BDNF: variants seen among roughly 807,000 people sequenced by gnomAD.
BDNF encodes the protein neurotrophic factor BDNF precursor form.
BDNF carries 1 observed loss-of-function variant against 19.5 expected under a neutral mutation model. The ratio of observed to expected loss-of-function variants is 0.05; its 90% CI spans 0.02 to 0.24. The LOEUF is 0.24. BDNF is among the 10% of genes least tolerant of loss of function. The pLI, the probability that BDNF is intolerant of heterozygous loss-of-function variation, is 1.00. For synonymous variants in BDNF, 100 were observed against 121.6 expected (o/e 0.82, Z 1.17); for missense variants, 195 against 317.6 (o/e 0.61, Z 2.93).
In BDNF at chr11:27,658,579, G is replaced by T; in HGVS notation, c.-15C>A. ...AGGATGGTCATCACTCTTCTCACCT[G>T]GTGGAACTGTAGGGAGAAAGCAGAA... On this transcript the variant is annotated 5_prime_UTR_variant, in exon 2 of 2. Coordinates refer to ENST00000356660, the MANE Select transcript of BDNF (RefSeq NM_001709.5). This position sits in a 1 kb window ranked among gnomAD's most constrained non-coding sequence, Gnocchi z 5.7. The T allele has an allele frequency of 1.9e-6, 3 of 1,614,198 alleles. No individual in the cohort carries two copies. The highest frequency in any genetic ancestry group is 2.5e-6 in the Non-Finnish European group (3 of 1,180,022).
At chr11:27,715,679 C>A (rs1323267287) in intron 1 of BDNF, among the ~76,000 whole-genome samples, 1 of 152,166 alleles carries the variant, frequency 6.6e-6, no homozygotes, top group Non-Finnish European at 1.5e-5. Context: ...TTTAAGGCAG[C>A]ATGGTCTAGA....
At chr11:27,662,264 C>G (rs1487313150) in intron 1 of BDNF, among the ~76,000 whole-genome samples, 3 of 152,172 alleles carry the variant, frequency 2.0e-5, no homozygotes, top group African/African-American at 7.2e-5. Flanking sequence ...TCTAGTCAGT[C>G]TTCAGCTGAA....
upstream of BDNF, chr11:27,700,924 C>G: frequency 7.5e-7 from 1 of 1,338,058 alleles, no homozygotes; most frequent in Non-Finnish European, 9.9e-7. Context: ...ATCCCAGCAC[C>G]CAAGTTCTCT....
chr11:27,674,439 A>C, intron 1 of BDNF: 1 of 1,437,986 alleles, frequency 7.0e-7, no homozygotes, highest in Non-Finnish European at 9.1e-7. Flanking sequence ...CCCAGCTCCC[A>C]GCTCTTCTGA....
chr11:27,692,211 G>A (rs1858388316), intron 1 of BDNF, among the ~76,000 whole-genome samples: 1 of 152,170 alleles, frequency 6.6e-6, no homozygotes, highest in Non-Finnish European at 1.5e-5. Flanking sequence ...CTATAAATAA[G>A]GAGCAGACTT....
chr11:27,707,979 G>A (rs1052565773), intron 1 of BDNF, among the ~76,000 whole-genome samples: 1 of 152,150 alleles, frequency 6.6e-6, no homozygotes, highest in Non-Finnish European at 1.5e-5. Flanking sequence ...TTTTCCTCAA[G>A]ATAGTTTCCA....
At chr11:27,662,046 A>T (rs1044668020) in intron 1 of BDNF, among the ~76,000 whole-genome samples, 17 of 151,988 alleles carry the variant, frequency 1.1e-4, no homozygotes, top group African/African-American at 4.1e-4. Context: ...TCTGTCGCCC[A>T]GGCTGGAGTG....
At chr11:27,698,709 T>C (rs1429325537) in intron 1 of BDNF, among the ~76,000 whole-genome samples, 2 of 152,128 alleles carry the variant, frequency 1.3e-5, no homozygotes, top group Non-Finnish European at 2.9e-5. Context: ...CAATTACATA[T>C]TACTTTGCTT....
intron 1 of BDNF, among the ~76,000 whole-genome samples, chr11:27,683,226 C>T (rs1215776756): frequency 6.6e-6 from 1 of 152,202 alleles, no homozygotes; most frequent in African/African-American, 2.4e-5. Context: ...AGCATCTGTT[C>T]ATACCCTTCG....
intron 1 of BDNF, chr11:27,660,352 C>T (rs1853265163): frequency 5.7e-6 from 3 of 528,502 alleles, no homozygotes; most frequent in Non-Finnish European, 8.9e-6. Flanking sequence ...GCTTAGATTG[C>T]ACAATGTTCT....
chr11:27,706,135 C>A (rs1308594535), intron 1 of BDNF, among the ~76,000 whole-genome samples: 34 of 152,058 alleles, frequency 2.2e-4, no homozygotes. Flanking sequence ...GGGCCCACCA[C>A]GGTTAATCAG....
At chr11:27,700,607 G>A (rs1859821837), upstream of BDNF, 2 of 973,806 alleles carry the variant, frequency 2.1e-6, no homozygotes, top group Non-Finnish European at 2.4e-6. Context: ...AGGGAACGCC[G>A]CGTCTTTTCC....
intron 1 of BDNF, among the ~76,000 whole-genome samples, chr11:27,687,266 T>C (rs1045237507): frequency 1.3e-5 from 2 of 152,208 alleles, no homozygotes; most frequent in African/African-American, 2.4e-5. Context: ...TTAGGTCATT[T>C]ATGTTCTTCT....
intron 1 of BDNF, among the ~76,000 whole-genome samples, chr11:27,709,920 C>A (rs917021782): frequency 6.6e-6 from 1 of 152,160 alleles, no homozygotes; most frequent in Non-Finnish European, 1.5e-5. Context: ...TTGTAAGGTA[C>A]TTTTTCTATC....
At chr11:27,670,736 G>A (rs943274513) in intron 1 of BDNF, among the ~76,000 whole-genome samples, 2 of 152,068 alleles carry the variant, frequency 1.3e-5, no homozygotes, top group African/African-American at 2.4e-5. Context: ...TTAGAATGGC[G>A]ATCATTAAAG....
At chr11:27,686,525 G>C (rs1012484627) in intron 1 of BDNF, among the ~76,000 whole-genome samples, 1 of 152,144 alleles carries the variant, frequency 6.6e-6, no homozygotes, top group Non-Finnish European at 1.5e-5. Context: ...TGTTTCTGCA[G>C]TGGCTGGTAC....
At chr11:27,712,849 A>T (rs1460930325) in intron 1 of BDNF, among the ~76,000 whole-genome samples, 1 of 151,664 alleles carries the variant, frequency 6.6e-6, no homozygotes, top group Admixed American at 6.6e-5. Flanking sequence ...GGTTTACATA[A>T]GCTTTACCAG....
Position 27,673,943 on chromosome 11 carries a change from G to A in BDNF, c.-21-15358C>T, listed in dbSNP as rs964934102. 76 of 1,219,606 alleles carry A rather than the reference G, an allele frequency of 6.2e-5. No homozygotes were observed. The South Asian group carries it at 1.3e-3, about 21-fold the overall frequency. The allele number at this position is 1,219,606 out of a possible 1,614,324, so 75.5% of individuals were successfully genotyped here. On this transcript the variant is annotated intron_variant, in intron 1 of 1. Transcript: ENST00000356660. ...TGAAAACAGGTGATGGAAGAAACTG[G>A]AAAGGTAAGTTGCCTCTAGAGACCA...
chr11:27,701,410 G>T, upstream of BDNF: 2 of 1,036,368 alleles, frequency 1.9e-6, no homozygotes, highest in Non-Finnish European at 2.3e-6. Flanking sequence ...CTTAATTAAA[G>T]GGGGGAGGGG....
Sources: gnomAD v4.1 joint callset for allele counts (sites outside exome capture counted in the v4.1 genomes callset) on GRCh38, gnomAD v4.1.1 for gene constraint, Gnocchi (gnomAD v3.1) non-coding constraint, MANE v1.5 for transcripts, NCBI Gene and HGNC (gene_info 2026-07-23, HGNC 2026-07-21) for gene names.